Variants in WWOX observed in about 807,000 individuals in gnomAD.
WWOX encodes the protein WW domain containing oxidoreductase.
Under a neutral mutation model 46.2 loss-of-function variants are expected in WWOX, and 69 were observed. That is an observed-to-expected ratio of 1.49 (90% CI 1.23 to 1.82). The LOEUF is 1.82. Ranked by LOEUF, WWOX falls within the 40% of genes most tolerant of loss-of-function variation. WWOX has a pLI of 0.00. For missense variants in WWOX, 919 were observed against 542.6 expected (o/e 1.69, Z -6.89); for synonymous variants, 359 against 202.6 (o/e 1.77, Z -6.56).
At chr16:78,952,080 C>A (rs925238550) in intron 8 of WWOX, among the ~76,000 whole-genome samples, 1 of 152,238 alleles carries the variant, frequency 6.6e-6, no homozygotes, top group African/African-American at 2.4e-5. Flanking sequence ...TACAATCCCT[C>A]GACCCAGTGA....
Position 78,869,951 on chromosome 16 carries a change from T to C in WWOX, c.1057-341657T>C, listed in dbSNP as rs189886495. On this transcript the variant is annotated intron_variant, in intron 8 of 8. Transcript: ENST00000566780. ...TTGACGTCAGTGCCTTGGGAGTCTA[T>C]GTTTATGTGAGCTTAAAGGTTTTGG... Among the ~76,000 whole-genome samples the C allele has an allele frequency of 1.1e-3, 169 of 152,318 alleles. 1 individual carries two copies. The highest frequency in any genetic ancestry group is 3.9e-3 in the African/African-American group (162 of 41,580).
At chr16:79,134,675 A>T (rs1258835351) in intron 8 of WWOX, among the ~76,000 whole-genome samples, 1 of 152,236 alleles carries the variant, frequency 6.6e-6, no homozygotes, top group East Asian at 1.9e-4. Flanking sequence ...CGATTTCTTC[A>T]CAAGGACATT....
chr16:79,185,518 C>G (rs2050996015), intron 8 of WWOX, among the ~76,000 whole-genome samples: 1 of 152,174 alleles, frequency 6.6e-6, no homozygotes, highest in Non-Finnish European at 1.5e-5. Flanking sequence ...CCTGGCCAGC[C>G]AAGATCCATT....
chr16:78,297,674 C>T (rs2079964372), intron 5 of WWOX, among the ~76,000 whole-genome samples: 1 of 152,120 alleles, frequency 6.6e-6, no homozygotes, highest in Admixed American at 6.6e-5. Context: ...GAGCACCGGA[C>T]TGATGCAGTG....
intron 4 of WWOX, among the ~76,000 whole-genome samples, chr16:78,128,044 G>T (rs1392076940): frequency 2.6e-5 from 4 of 152,198 alleles, no homozygotes; most frequent in Non-Finnish European, 5.9e-5. Flanking sequence ...GTCCAATAGT[G>T]TATGAATATA....
chr16:78,594,218 C>T (rs1256070123), intron 8 of WWOX, among the ~76,000 whole-genome samples: 1 of 152,026 alleles, frequency 6.6e-6, no homozygotes, highest in Non-Finnish European at 1.5e-5. Flanking sequence ...ACGAAGCAAA[C>T]CTATGTGTAT....
chr16:78,115,281 G>A lies in WWOX; in HGVS notation c.409+127G>A, dbSNP rs758259403. 115 of 1,135,256 alleles carry A rather than the reference G, an allele frequency of 1.0e-4. No individual in the cohort carries two copies. In the East Asian group the frequency reaches 1.5e-3, roughly 15 times the overall value. The allele number at this position is 1,135,256 out of a possible 1,614,324, so 70.3% of individuals were successfully genotyped here. ...ATGACTTTTATCCTTTTCAGATATC[G>A]TTTCATTAACATCACTACCTCTTTT... On this transcript the variant is annotated intron_variant, in intron 4 of 8. Transcript: ENST00000566780.
At chr16:78,685,384 A>G (rs144839624) in intron 8 of WWOX, among the ~76,000 whole-genome samples, 31 of 152,310 alleles carry the variant, frequency 2.0e-4, no homozygotes, top group Admixed American at 2.0e-3. Context: ...CTGACACAAT[A>G]AGGCCATAAA....
At chr16:78,951,427 G>C (rs192638047) in intron 8 of WWOX, among the ~76,000 whole-genome samples, 41 of 152,244 alleles carry the variant, frequency 2.7e-4, no homozygotes, top group Admixed American at 2.5e-3. Flanking sequence ...CTTTCTGTCT[G>C]GACCTGGAAT....
intron 8 of WWOX, among the ~76,000 whole-genome samples, chr16:79,108,191 T>C (rs2049347501): frequency 6.6e-6 from 1 of 152,230 alleles, no homozygotes. Context: ...ACTGTCTAAG[T>C]GTTAAATGGA....
At chr16:78,359,954 C>T (rs1163632133) in intron 5 of WWOX, among the ~76,000 whole-genome samples, 2 of 152,106 alleles carry the variant, frequency 1.3e-5, no homozygotes, top group African/African-American at 4.8e-5. Context: ...GCAAATTTGC[C>T]TTCACTATTC....
chr16:79,056,364 A>G (rs767055654), intron 8 of WWOX, among the ~76,000 whole-genome samples: 1 of 152,226 alleles, frequency 6.6e-6, no homozygotes, highest in Non-Finnish European at 1.5e-5. Flanking sequence ...TAATACATGG[A>G]GGAGTTACCT....
At chr16:79,132,710 G>C (rs2049905588) in intron 8 of WWOX, among the ~76,000 whole-genome samples, 1 of 152,022 alleles carries the variant, frequency 6.6e-6, no homozygotes, top group African/African-American at 2.4e-5. Context: ...TTGGAAAGAG[G>C]CTCTGGCATA....
At chr16:79,112,472 G>A (rs1196021025) in intron 8 of WWOX, among the ~76,000 whole-genome samples, 3 of 152,034 alleles carry the variant, frequency 2.0e-5, no homozygotes, top group Admixed American at 6.5e-5. Flanking sequence ...AGATGCCTGC[G>A]TGCCTTTTGA....
At chr16:79,049,200 C>T (rs1221044203) in intron 8 of WWOX, among the ~76,000 whole-genome samples, 1 of 152,188 alleles carries the variant, frequency 6.6e-6, no homozygotes, top group Non-Finnish European at 1.5e-5. Flanking sequence ...CAAAAGCAGC[C>T]ATGGCTGTTA....
chr16:78,378,486 C>G (rs1646873845), intron 5 of WWOX, among the ~76,000 whole-genome samples: 1 of 152,120 alleles, frequency 6.6e-6, no homozygotes, highest in Non-Finnish European at 1.5e-5. Context: ...CCACCGTTAC[C>G]ATTACTTAAA....
chr16:78,236,993 G>C (rs1046559838), intron 5 of WWOX, among the ~76,000 whole-genome samples: 4 of 147,638 alleles, frequency 2.7e-5, no homozygotes, highest in African/African-American at 1.0e-4. Context: ...AGAATCACTT[G>C]AACCCAGGAG....
chr16:78,203,915 C>T (rs534156720), intron 5 of WWOX, among the ~76,000 whole-genome samples: 1 of 152,304 alleles, frequency 6.6e-6, no homozygotes, highest in South Asian at 2.1e-4. Flanking sequence ...CCTGGGCTAA[C>T]AGTGAGTGTG....
chr16:78,934,531 A>AAAG, intron 8 of WWOX, among the ~76,000 whole-genome samples: 1 of 145,332 alleles, frequency 6.9e-6, no homozygotes, highest in African/African-American at 2.5e-5. Flanking sequence ...AAAAAAAAAA[A>AAAG]GAAACACAAC....
Sources: gnomAD v4.1 joint callset for allele counts (sites outside exome capture counted in the v4.1 genomes callset) on GRCh38, gnomAD v4.1.1 for gene constraint, MANE v1.5 for transcripts, NCBI Gene and HGNC (gene_info 2026-07-23, HGNC 2026-07-21) for gene names.